The following AGBL1 variants were observed in gnomAD, a reference collection of about 807,000 sequenced individuals.
The protein encoded by AGBL1 is cytosolic carboxypeptidase 4.
In AGBL1, 130 loss-of-function variants were observed where a neutral mutation model predicts 118.9. The observed-to-expected ratio is 1.09, with a 90% CI of 0.95 to 1.26. The LOEUF (loss-of-function observed/expected upper bound fraction) is 1.26. Ranked by LOEUF, AGBL1 falls within the 50% of genes most tolerant of loss-of-function variation. The pLI, the probability that AGBL1 is intolerant of heterozygous loss-of-function variation, is 0.00. For missense variants in AGBL1, 1,584 were observed against 1,298.1 expected (o/e 1.22, Z -3.38); for synonymous variants, 555 against 478.9 (o/e 1.16, Z -2.08).
At chr15:86,527,765 C>G (rs978872874) in intron 19 of AGBL1, among the ~76,000 whole-genome samples, 1 of 152,174 alleles carries the variant, frequency 6.6e-6, no homozygotes. Context: ...ATATGACTCC[C>G]AGGACCAAAA....
At chr15:86,228,989 T>C (rs2078411647) in intron 6 of AGBL1, among the ~76,000 whole-genome samples, 1 of 152,192 alleles carries the variant, frequency 6.6e-6, no homozygotes. Context: ...AGTTCCCCTC[T>C]TCTCCACTCT....
At chr15:86,807,668 AG>A (rs1318428844) in intron 22 of AGBL1, among the ~76,000 whole-genome samples, 1 of 152,108 alleles carries the variant, frequency 6.6e-6, no homozygotes, top group Non-Finnish European at 1.5e-5. Context: ...CAGCTGGCCC[AG>A]TTTCCTAAGA....
intron 22 of AGBL1, among the ~76,000 whole-genome samples, chr15:86,810,741 G>T (rs931874497): frequency 9.9e-5 from 15 of 152,010 alleles, no homozygotes; most frequent in Admixed American, 8.5e-4. Context: ...CCTTAGGTTT[G>T]TCCTTACTCT....
chr15:86,728,802 T>C (rs1388269584), intron 22 of AGBL1, among the ~76,000 whole-genome samples: 1 of 152,294 alleles, frequency 6.6e-6, no homozygotes, highest in South Asian at 2.1e-4. Context: ...AGCCTCTGGT[T>C]TCACTGTGTT....
chr15:86,199,941 T>C (rs1183479515), intron 5 of AGBL1, among the ~76,000 whole-genome samples: 1 of 152,200 alleles, frequency 6.6e-6, no homozygotes, highest in Non-Finnish European at 1.5e-5. Context: ...ACATGGGTGA[T>C]TCTAACATGC....
intron 22 of AGBL1, among the ~76,000 whole-genome samples, chr15:86,781,905 C>T (rs934139445): frequency 1.3e-5 from 2 of 151,896 alleles, no homozygotes; most frequent in South Asian, 2.1e-4. Context: ...TTTAATTGGC[C>T]TTGTTATAGC....
At chr15:87,022,832 G>A (rs530964040) in intron 24 of AGBL1, among the ~76,000 whole-genome samples, 1 of 152,112 alleles carries the variant, frequency 6.6e-6, no homozygotes, top group South Asian at 2.1e-4. Flanking sequence ...ACAACTATCA[G>A]CCAAGAATTC....
At chr15:86,293,004 G>C (rs529462742) in intron 16 of AGBL1, among the ~76,000 whole-genome samples, 20 of 152,258 alleles carry the variant, frequency 1.3e-4, no homozygotes, top group Non-Finnish European at 2.1e-4. Context: ...CAAATTTTCA[G>C]GTGCCCCTGA....
At chr15:86,683,587 G>A (rs971575839) in intron 22 of AGBL1, among the ~76,000 whole-genome samples, 19 of 152,134 alleles carry the variant, frequency 1.2e-4, no homozygotes, top group Non-Finnish European at 2.2e-4. Flanking sequence ...CAACATGGGG[G>A]ATCTCATTCA....
At position 86,936,777 on chromosome 15, in the gene AGBL1, C is replaced by T. The variant is rs527369043; in HGVS notation, c.3222-51210C>T. ...TCATAACAAAGACACCAAAAGCAAT[C>T]GCAGTAAAAGCAAAAATTGACAAGT... On this transcript the variant is annotated intron_variant, in intron 23 of 24. Transcript: ENST00000441037. Among the ~76,000 whole-genome samples, 28 of 152,230 alleles carry T rather than the reference C, an allele frequency of 1.8e-4. No individual in the cohort carries two copies. In the East Asian group the frequency reaches 5.0e-3, roughly 27 times the overall value.
At position 86,418,609 on chromosome 15, in the gene AGBL1, A is replaced by G. The variant is rs148273930; in HGVS notation, c.2555+21063A>G. On this transcript the variant is annotated intron_variant, in intron 18 of 22. Transcript: ENST00000614907. ...TTTCTCTTTTTTCAAAAATGGAGAC[A>G]TATTTGCTCATCCTTAGTCTTGATA... Among the ~76,000 whole-genome samples the G allele has an allele frequency of 9.5e-3, 1,451 of 152,318 alleles. 30 individuals are homozygous for G. Among genetic ancestry groups the G allele is most frequent in the African/African-American group, 0.033 (1,364 of 41,564 alleles).
At chr15:86,135,131 G>A (rs974707920) in intron 1 of AGBL1, among the ~76,000 whole-genome samples, 3 of 152,154 alleles carry the variant, frequency 2.0e-5, no homozygotes, top group African/African-American at 7.2e-5. Context: ...GAGTGCCACT[G>A]TCACAGGAGC....
chr15:86,457,416 C>T (rs1294474048), intron 18 of AGBL1, among the ~76,000 whole-genome samples: 4 of 152,138 alleles, frequency 2.6e-5, no homozygotes, highest in Non-Finnish European at 4.4e-5. Flanking sequence ...CGCTGGGAGC[C>T]AATTTTAATA....
chr15:86,262,077 G>C (rs1166471310), intron 9 of AGBL1, among the ~76,000 whole-genome samples: 1 of 3,496 alleles, frequency 2.9e-4, no homozygotes, highest in African/African-American at 5.9e-4. Flanking sequence ...TGCATAGCTG[G>C]CTTTTTTTTT....
At chr15:86,875,375 C>T (rs2012544) in intron 22 of AGBL1, among the ~76,000 whole-genome samples, 17,598 of 152,218 alleles carry the variant, frequency 0.12, 1,287 homozygotes, top group Non-Finnish European at 0.16. Context: ...CCCTTAGACA[C>T]ACAGCATATT....
At chr15:86,141,046 C>T (rs2076956287) in intron 1 of AGBL1, among the ~76,000 whole-genome samples, 1 of 152,182 alleles carries the variant, frequency 6.6e-6, no homozygotes, top group African/African-American at 2.4e-5. Context: ...AATACCCTCT[C>T]CTCCAAATAT....
intron 22 of AGBL1, among the ~76,000 whole-genome samples, chr15:86,879,921 T>A (rs1054440897): frequency 3.3e-5 from 5 of 151,862 alleles, no homozygotes; most frequent in African/African-American, 1.2e-4. Flanking sequence ...GAAACTTCAG[T>A]TTCCTTGGGC....
chr15:86,486,006 C>T (rs547690474), intron 18 of AGBL1, among the ~76,000 whole-genome samples: 82 of 152,126 alleles, frequency 5.4e-4, no homozygotes, highest in Middle Eastern at 3.4e-3. Context: ...ATTGGCATCA[C>T]CTGTATCTGG....
intron 22 of AGBL1, among the ~76,000 whole-genome samples, chr15:86,767,934 T>C (rs1276760475): frequency 2.0e-5 from 3 of 151,972 alleles, no homozygotes; most frequent in Non-Finnish European, 4.4e-5. Flanking sequence ...GATTTTATTT[T>C]CCTTGATTAA....
Sources: allele counts gnomAD v4.1 joint callset (sites outside exome capture counted in the v4.1 genomes callset), GRCh38; gene constraint gnomAD v4.1.1; transcripts MANE v1.5; gene names NCBI Gene and HGNC (gene_info 2026-07-23, HGNC 2026-07-21).